Variants in GPC5 observed in about 807,000 individuals in gnomAD.
The protein encoded by GPC5 is glypican-5.
GPC5 carries 47 observed loss-of-function variants against 53.9 expected under a neutral mutation model. The observed-to-expected ratio is 0.87, with a 90% CI of 0.69 to 1.11. The LOEUF (loss-of-function observed/expected upper bound fraction) is 1.11, where lower values mean the gene tolerates loss of function less well. GPC5 is among the 50% of genes most tolerant of loss of function. The pLI is 0.00. For missense variants in GPC5, 748 were observed against 713.1 expected (o/e 1.05, Z -0.56); for synonymous variants, 286 against 263.3 (o/e 1.09, Z -0.84).
intron 7 of GPC5, among the ~76,000 whole-genome samples, chr13:92,510,498 C>A (rs1052576443): frequency 6.6e-6 from 1 of 152,146 alleles, no homozygotes. Context: ...AGGGAGCTAC[C>A]TTTTACTCAA....
At chr13:92,068,161 C>A (rs1158890674) in intron 6 of GPC5, among the ~76,000 whole-genome samples, 1 of 151,696 alleles carries the variant, frequency 6.6e-6, no homozygotes, top group Non-Finnish European at 1.5e-5. Context: ...TAGATTGAAC[C>A]TTGTTGTTGC....
intron 2 of GPC5, among the ~76,000 whole-genome samples, chr13:91,484,112 T>A (rs1883457139): frequency 6.6e-6 from 1 of 152,216 alleles, no homozygotes. Flanking sequence ...TTTTCTAACA[T>A]GTTTTGACAT....
In GPC5 at chr13:91,448,623, T is replaced by G. The variant is rs1410919216; in HGVS notation, c.164-138T>G. On this transcript the variant is annotated intron_variant, in intron 1 of 7. Coordinates refer to ENST00000377067, the MANE Select transcript of GPC5 (RefSeq NM_004466.6). ...TGTGTTAATGAGCAATAGATAAACT[T>G]TCTTATAGCAAGTACTCTAGCAAAT... is the stretch of plus-strand genomic sequence containing the variant. 3 of 755,966 alleles carry G rather than the reference T, an allele frequency of 4.0e-6. No individual in the cohort carries two copies. In the African/African-American group the frequency reaches 5.3e-5, roughly 13 times the overall value. 46.8% of individuals were successfully genotyped at this position (755,966 alleles called of 1,614,324 possible).
chr13:91,401,163 C>G (rs565085887), intron 1 of GPC5, among the ~76,000 whole-genome samples: 1 of 151,868 alleles, frequency 6.6e-6, no homozygotes, highest in African/African-American at 2.4e-5. Flanking sequence ...TTTAGATCCA[C>G]CCCCCAAAAA....
Position 91,586,884 on chromosome 13 carries a change from G to A in GPC5, c.326-106303G>A, listed in dbSNP as rs1222557499. 5.3e-5 allele frequency among the ~76,000 whole-genome samples: 8 copies of A among 151,848 alleles called. 1 individual carries two copies. The highest frequency in any genetic ancestry group is 1.4e-4 in the African/African-American group (6 of 41,422). ...ATATTTGGTAGATATGCAACCTTAC[G>A]ATTAAAAATGTAAATACATTTAGAC... On this transcript the variant is annotated intron_variant, in intron 2 of 7. Transcript: ENST00000377067.
At chr13:92,556,687 TC>T (rs1882506486) in intron 7 of GPC5, among the ~76,000 whole-genome samples, 3 of 151,860 alleles carry the variant, frequency 2.0e-5, no homozygotes, top group Admixed American at 2.0e-4. Flanking sequence ...AGTAATTTTT[TC>T]CTTTTTTTCT....
intron 1 of GPC5, among the ~76,000 whole-genome samples, chr13:91,432,495 T>C (rs192175074): frequency 7.9e-5 from 12 of 152,276 alleles, no homozygotes; most frequent in African/African-American, 2.9e-4. Context: ...CTCAATCTGT[T>C]GAAGGATCAG....
At chr13:92,243,209 C>T (rs919358732) in intron 7 of GPC5, among the ~76,000 whole-genome samples, 1 of 152,130 alleles carries the variant, frequency 6.6e-6, no homozygotes, top group South Asian at 2.1e-4. Flanking sequence ...ACAGACTTTT[C>T]ACAACTACAT....
At chr13:91,962,898 G>A (rs1463421951) in intron 6 of GPC5, among the ~76,000 whole-genome samples, 1 of 152,004 alleles carries the variant, frequency 6.6e-6, no homozygotes, top group Non-Finnish European at 1.5e-5. Context: ...CTCAGTTATT[G>A]TTTTCATTTT....
chr13:92,062,460 A>C (rs546735717), intron 6 of GPC5, among the ~76,000 whole-genome samples: 1 of 152,082 alleles, frequency 6.6e-6, no homozygotes, highest in African/African-American at 2.4e-5. Flanking sequence ...CTATTAGTGG[A>C]TGTTGTCATC....
intron 3 of GPC5, among the ~76,000 whole-genome samples, chr13:91,698,171 T>C (rs903738894): frequency 6.6e-6 from 1 of 152,056 alleles, no homozygotes; most frequent in Non-Finnish European, 1.5e-5. Flanking sequence ...AAGGTCAGAA[T>C]CATAATTTTC....
At chr13:92,364,890 A>G (rs558730533) in intron 7 of GPC5, among the ~76,000 whole-genome samples, 4 of 151,894 alleles carry the variant, frequency 2.6e-5, no homozygotes, top group African/African-American at 9.7e-5. Flanking sequence ...TTTACCAATC[A>G]GCTCCATGAG....
intron 2 of GPC5, among the ~76,000 whole-genome samples, chr13:91,528,983 A>G (rs1325552819): frequency 6.6e-6 from 1 of 152,204 alleles, no homozygotes; most frequent in Admixed American, 6.5e-5. Flanking sequence ...CGTCAGTATT[A>G]CAGTTCGAGT....
intron 6 of GPC5, among the ~76,000 whole-genome samples, chr13:91,945,908 G>A (rs1414328680): frequency 1.3e-5 from 2 of 152,128 alleles, no homozygotes; most frequent in South Asian, 2.1e-4. Context: ...GTTATTTTTC[G>A]GGGAATTCGC....
At chr13:92,162,413 A>T (rs552466225) in intron 7 of GPC5, among the ~76,000 whole-genome samples, 3 of 152,184 alleles carry the variant, frequency 2.0e-5, no homozygotes, top group Non-Finnish European at 4.4e-5. Context: ...ATTACAATGC[A>T]GTGTGAAAGG....
chr13:92,847,627 C>CT (rs75149719), intron 7 of GPC5, among the ~76,000 whole-genome samples: 296 of 145,078 alleles, frequency 2.0e-3, no homozygotes, highest in South Asian at 2.4e-3. Context: ...GCCATTAAAC[C>CT]TTTTTTTTTT....
intron 7 of GPC5, among the ~76,000 whole-genome samples, chr13:92,656,402 G>C (rs992246380): frequency 6.6e-6 from 1 of 152,174 alleles, no homozygotes; most frequent in African/African-American, 2.4e-5. Flanking sequence ...AGGAGAGAAA[G>C]GGAGGAGGGA....
intron 1 of GPC5, among the ~76,000 whole-genome samples, chr13:91,421,517 A>C (rs1307330432): frequency 4.6e-5 from 7 of 152,234 alleles, no homozygotes; most frequent in Admixed American, 3.9e-4. Context: ...AAGTGAATAA[A>C]GGAATGCAAC....
At chr13:92,229,590 A>G (rs566991609) in intron 7 of GPC5, among the ~76,000 whole-genome samples, 1 of 152,252 alleles carries the variant, frequency 6.6e-6, no homozygotes, top group South Asian at 2.1e-4. Context: ...GGACTATTCT[A>G]AATAATTTCA....
Sources: allele counts gnomAD v4.1 joint callset (sites outside exome capture counted in the v4.1 genomes callset), GRCh38; gene constraint gnomAD v4.1.1; transcripts MANE v1.5; gene names NCBI Gene and HGNC (gene_info 2026-07-23, HGNC 2026-07-21).